Variants in MYO16 observed in about 807,000 individuals in gnomAD.
MYO16 encodes the protein unconventional myosin-XVI.
MYO16 carries 94 observed loss-of-function variants against 205.3 expected under a neutral mutation model. That is an observed-to-expected ratio of 0.46 (90% CI 0.39 to 0.54). MYO16 has a LOEUF of 0.54. Ranked by LOEUF, MYO16 falls within the 20% of genes least tolerant of loss-of-function variation. The probability of loss-of-function intolerance (pLI) is 0.00; values close to 1 mark genes in which losing one functional copy is unlikely to be tolerated. For missense variants in MYO16, 2,315 were observed against 2,387.5 expected (o/e 0.97, Z 0.63); for synonymous variants, 988 against 954.0 (o/e 1.04, Z -0.66).
intron 28 of MYO16, among the ~76,000 whole-genome samples, chr13:109,109,872 A>G (rs1434189358): frequency 6.6e-6 from 1 of 152,232 alleles, no homozygotes; most frequent in East Asian, 1.9e-4. Flanking sequence ...TAGGAAAGCA[A>G]TGCCAGAACT....
In MYO16 at chr13:109,173,468, G is replaced by A. The variant is rs986539443; in HGVS notation, c.5324-6074G>A. ...TGAGTTTAATTCAGAAAAGAAAGGA[G>A]CACATTTCCATGAATTTGCTGCACA... On this transcript the variant is annotated intron_variant, in intron 33 of 34. Transcript: ENST00000457511. 1.3e-5 allele frequency among the ~76,000 whole-genome samples: 2 copies of A among 152,148 alleles called. 1 individual carries two copies.
chr13:108,601,885 G>A (rs765289816), intron 1 of MYO16, among the ~76,000 whole-genome samples: 1 of 151,932 alleles, frequency 6.6e-6, no homozygotes, highest in Non-Finnish European at 1.5e-5. Flanking sequence ...TTTGAAATTG[G>A]TGCTCTCAAT....
At chr13:108,894,799 C>T (rs375549749) in intron 14 of MYO16, among the ~76,000 whole-genome samples, 1 of 152,182 alleles carries the variant, frequency 6.6e-6, no homozygotes, top group Non-Finnish European at 1.5e-5. Flanking sequence ...TTTGTTCCCC[C>T]ACAAAGTTTC....
At chr13:108,948,909 C>T (rs145595657) in intron 16 of MYO16, among the ~76,000 whole-genome samples, 2 of 152,330 alleles carry the variant, frequency 1.3e-5, no homozygotes, top group African/African-American at 2.4e-5. Context: ...CACATATATA[C>T]ACAAATTATT....
At chr13:109,187,395 C>A (rs550691186) in intron 34 of MYO16, among the ~76,000 whole-genome samples, 2 of 151,692 alleles carry the variant, frequency 1.3e-5, no homozygotes, top group South Asian at 2.1e-4. Context: ...TTTTTATTTT[C>A]TTTTCTTTTG....
At chr13:108,741,937 C>A (rs9514892) in intron 4 of MYO16, among the ~76,000 whole-genome samples, 5 of 152,300 alleles carry the variant, frequency 3.3e-5, no homozygotes, top group African/African-American at 1.2e-4. Context: ...TATTATCTCA[C>A]TGGGTATGAA....
At chr13:108,928,648 G>A (rs1241245961) in intron 16 of MYO16, among the ~76,000 whole-genome samples, 1 of 152,072 alleles carries the variant, frequency 6.6e-6, no homozygotes, top group East Asian at 1.9e-4. Context: ...GAACTCCTGT[G>A]TACATTTACA....
At chr13:108,683,769 A>G (rs1882559926) in intron 2 of MYO16, among the ~76,000 whole-genome samples, 1 of 152,260 alleles carries the variant, frequency 6.6e-6, no homozygotes, top group Non-Finnish European at 1.5e-5. Flanking sequence ...ATTAAGCCTG[A>G]GAATCTGGGG....
chr13:109,093,987 C>G (rs1888700812), intron 27 of MYO16, among the ~76,000 whole-genome samples: 1 of 152,020 alleles, frequency 6.6e-6, no homozygotes, highest in African/African-American at 2.4e-5. Flanking sequence ...ATTGCACTAA[C>G]CTTTCGAAAC....
intron 4 of MYO16, among the ~76,000 whole-genome samples, chr13:108,734,389 C>G (rs1038663219): frequency 2.6e-5 from 4 of 152,170 alleles, no homozygotes; most frequent in African/African-American, 9.6e-5. Flanking sequence ...CTCACAATTT[C>G]AGCAAGATGC....
At chr13:108,664,890 A>T (rs1463601727) in intron 1 of MYO16, among the ~76,000 whole-genome samples, 1 of 152,160 alleles carries the variant, frequency 6.6e-6, no homozygotes, top group African/African-American at 2.4e-5. Flanking sequence ...ATGGGAATTC[A>T]CTTTGTTAAT....
intron 1 of MYO16, among the ~76,000 whole-genome samples, chr13:108,643,080 C>A (rs1198593307): frequency 6.6e-6 from 1 of 152,102 alleles, no homozygotes; most frequent in Non-Finnish European, 1.5e-5. Flanking sequence ...GAGGGACCCA[C>A]CATGTAAGGG....
chr13:108,871,866 T>G (rs1468626852), intron 12 of MYO16, among the ~76,000 whole-genome samples: 1 of 152,218 alleles, frequency 6.6e-6, no homozygotes, highest in Non-Finnish European at 1.5e-5. Context: ...ACATTGCTGC[T>G]TTGGTGATTT....
chr13:108,498,410 G>A, the MYO16 span, among the ~76,000 whole-genome samples: 1 of 152,130 alleles, frequency 6.6e-6, no homozygotes, highest in Non-Finnish European at 1.5e-5. Flanking sequence ...TGGAGGGAGA[G>A]AGAGTGATTT....
intron 3 of MYO16, among the ~76,000 whole-genome samples, chr13:108,725,604 G>A (rs1221223426): frequency 6.6e-6 from 1 of 152,114 alleles, no homozygotes; most frequent in African/African-American, 2.4e-5. Flanking sequence ...GCAGGAACAG[G>A]CACCGTTTCT....
intron 1 of MYO16, among the ~76,000 whole-genome samples, chr13:108,661,159 A>G (rs1221702476): frequency 6.6e-6 from 1 of 152,082 alleles, no homozygotes; most frequent in Non-Finnish European, 1.5e-5. Context: ...TCTGCTGTTA[A>G]TCTGATAGGT....
chr13:109,091,811 C>T (rs894909392), intron 27 of MYO16, among the ~76,000 whole-genome samples: 1 of 152,138 alleles, frequency 6.6e-6, no homozygotes, highest in Non-Finnish European at 1.5e-5. Context: ...TCTGGAAGAG[C>T]ACGAGGTTAA....
At chr13:108,526,367 T>G in the MYO16 span, among the ~76,000 whole-genome samples, 2 of 152,162 alleles carry the variant, frequency 1.3e-5, no homozygotes, top group Non-Finnish European at 2.9e-5. Flanking sequence ...AGAAGAAAAC[T>G]TTCAGAGAGG....
intron 6 of MYO16, among the ~76,000 whole-genome samples, chr13:108,797,869 T>C (rs574691744): frequency 6.6e-6 from 1 of 152,298 alleles, no homozygotes; most frequent in South Asian, 2.1e-4. Flanking sequence ...CACACTTCAG[T>C]AGAGAAGCTA....
Sources: gnomAD v4.1 joint callset for allele counts (sites outside exome capture counted in the v4.1 genomes callset) on GRCh38, gnomAD v4.1.1 for gene constraint, MANE v1.5 for transcripts, NCBI Gene and HGNC (gene_info 2026-07-23, HGNC 2026-07-21) for gene names.